Variants in DNASE2 observed in about 807,000 individuals in gnomAD.
DNASE2 encodes the protein deoxyribonuclease 2, lysosomal.
Under a neutral mutation model 29.8 loss-of-function variants are expected in DNASE2, and 26 were observed. That is an observed-to-expected ratio of 0.87 (90% CI 0.64 to 1.21). The LOEUF is 1.21. Ranked by LOEUF, DNASE2 falls within the 50% of genes most tolerant of loss-of-function variation. The probability of loss-of-function intolerance (pLI) is 0.00; values close to 1 mark genes in which losing one functional copy is unlikely to be tolerated. For missense variants in DNASE2, 415 were observed against 455.6 expected, an observed-to-expected ratio of 0.91 and a Z score of 0.81; for synonymous variants, 186 against 193.5, an observed-to-expected ratio of 0.96 and a Z score of 0.32.
rs561850279 is a variant in DNASE2, at chr19:12,875,412, C to T, written c.*578G>A. 9.4e-4 allele frequency: 153 copies of T among 163,084 alleles called. No homozygotes were observed. The highest frequency in any genetic ancestry group is 1.6e-3 in the Non-Finnish European group (120 of 74,092). The allele number at this position is 163,084 out of a possible 1,614,324, so 10.1% of individuals were successfully genotyped here. ...GATTTTTTATTTTTTATTTTTTTGA[C>T]ACAGAGTCTCATTCTGTCACCCAGG... On this transcript the variant is annotated 3_prime_UTR_variant, in exon 6 of 6. Coordinates refer to ENST00000222219, the MANE Select transcript of DNASE2 (RefSeq NM_001375.3).
Position 12,875,735 on chromosome 19 carries a change from T to C in DNASE2, c.*255A>G, listed in dbSNP as rs2145919216. 1 of 296,384 alleles carries C rather than the reference T, an allele frequency of 3.4e-6. No individual in the cohort carries two copies. The highest frequency in any genetic ancestry group is 6.4e-6 in the Non-Finnish European group (1 of 156,714). The allele number at this position is 296,384 out of a possible 1,614,324, so 18.4% of individuals were successfully genotyped here. On this transcript the variant is annotated 3_prime_UTR_variant, in exon 6 of 6. Transcript: ENST00000222219. ...TTTTTTTTGAAACAGAGTCTTGCTA[T>C]GTGACCCAGGTTGGCGTAATCATAG...
At chr19:12,878,243 C>T (rs749592678) in intron 5 of DNASE2, 139 bp downstream of exon 5, 30 of 1,121,970 alleles carry the variant, frequency 2.7e-5, no homozygotes, top group Non-Finnish European at 4.0e-5. Flanking sequence ...AGGGTTTGAA[C>T]CCAGGTCTGT....
chr19:12,876,307 A>C lies in DNASE2; in HGVS notation c.766T>G (p.Trp256Gly). The C allele has an allele frequency of 6.2e-7, 1 of 1,614,150 alleles. No homozygotes were observed. The highest frequency in any genetic ancestry group is 1.1e-5 in the South Asian group (1 of 91,090). ...ALGTNLQVQF[W>G]HKTVGILPSN... is the part of the protein sequence containing the mutation. ...GGCAGGATGCCTACAGTTTTGTGCC[A>C]GAACTGGACCTGCAGGTTGGTACCA... The change falls in exon 6 of 6, where the codon TGG becomes GGG. Residue 256 changes from tryptophan (W) to glycine (G), a missense_variant. Physicochemically the swap from Trp to Gly is radical, Grantham distance 184. Transcript: ENST00000222219.
At chr19:12,878,866 G>A (rs1422097429) in intron 3 of DNASE2, 32 bp from the exon 4 acceptor site, 1 of 1,598,298 alleles carries the variant, frequency 6.3e-7, no homozygotes, top group Admixed American at 1.7e-5. Context: ...GGGGAGGTCG[G>A]GCGCAGTGGC....
Position 12,881,231 on chromosome 19 carries a change from C to G in DNASE2, c.86+59G>C. The G allele has an allele frequency of 2.5e-6, 4 of 1,607,004 alleles. No homozygotes were observed. The South Asian group carries it at 4.4e-5, about 18-fold the overall frequency. On this transcript the variant is annotated intron_variant, in intron 1 of 5. Coordinates refer to ENST00000222219, the MANE Select transcript of DNASE2 (RefSeq NM_001375.3). ...GGGTTCCCCGAGGAGGTAGCCATCC[C>G]GGTTGAGTGACCGCAGCCGGACCCC...
chr19:12,880,535 A>T (rs181039237), intron 3 of DNASE2, among the ~76,000 whole-genome samples: 110 of 151,736 alleles, frequency 7.2e-4, no homozygotes, highest in Non-Finnish European at 1.3e-3. Context: ...GTGCGCCTTT[A>T]ATACCAGCTA....
rs1017118700 is a variant in DNASE2 at position 12,880,712 on chromosome 19, G to A, written c.346+90C>T. 1.3e-5 allele frequency: 20 copies of A among 1,532,246 alleles called. No homozygotes were observed. The Admixed American group carries it at 3.0e-4, about 23-fold the overall frequency. The allele number at this position is 1,532,246 out of a possible 1,614,324, so 94.9% of individuals were successfully genotyped here. A position where few individuals can be genotyped will look rare whatever the true frequency, so the allele number is the denominator to read the frequency against. On this transcript the variant is annotated intron_variant, in intron 3 of 5. Coordinates refer to ENST00000222219, the MANE Select transcript of DNASE2 (RefSeq NM_001375.3). ...GAATAGATGCCCAGGGTCTGACAGT[G>A]CAGATCTCCCCGACCACCCCATGCA...
At chr19:12,877,527 CTATT>C (rs1599596692) in intron 5 of DNASE2, among the ~76,000 whole-genome samples, 1 of 151,816 alleles carries the variant, frequency 6.6e-6, no homozygotes, top group Non-Finnish European at 1.5e-5. Context: ...TGTGCCTGGC[CTATT>C]TATTTGTATT....
chr19:12,879,191 T>A (rs1159244881), intron 3 of DNASE2, among the ~76,000 whole-genome samples: 3 of 146,366 alleles, frequency 2.0e-5, no homozygotes, highest in South Asian at 4.3e-4. Context: ...AATAAATAAA[T>A]AAAAATTTAA....
At chr19:12,877,954 C>T (rs1049514468) in intron 5 of DNASE2, 6 of 310,996 alleles carry the variant, frequency 1.9e-5, no homozygotes, top group Non-Finnish European at 3.8e-5. Context: ...AATTTATCCT[C>T]CTGCCTCAGC....
Position 12,880,843 on chromosome 19 carries a change from G to C in DNASE2, c.305C>G (p.Pro102Arg). ...CATGGAAGAGTCCTGAGCCTTGCTG[G>C]GTTGAGGCGGTTGGTCATTGTAGAG... ...FLLYNDQPPQ[P>R]SKAQDSSMRG... is the part of the protein sequence containing the mutation. Residue 102 changes from proline to arginine, a missense_variant, in exon 3 of 6, where the codon CCC (proline) becomes CGC (arginine). Pro to Arg is a moderately radical substitution (Grantham distance 103, BLOSUM62 -2). Transcript: ENST00000222219. The C allele has an allele frequency of 6.2e-7, 1 of 1,614,218 alleles. No homozygotes were observed. Among genetic ancestry groups the C allele is most frequent in the Non-Finnish European group, 8.5e-7 (1 of 1,180,044 alleles).
rs577376992 is a variant in DNASE2, at chr19:12,878,684, T to C, written c.497A>G (p.Gln166Arg). ...ACTCGACTTACCCATCTTCGAGAAC[T>C]GAGCGAAGGGAAAAGACACACAGAG... ...TLLCVSFPFA[Q>R]FSKMGKQLTY... The change falls in exon 4 of 6, where the codon CAG becomes CGG. Residue 166 changes from glutamine (Q) to arginine (R), a missense_variant. Physicochemically the swap from Gln to Arg is conservative, Grantham distance 43. Coordinates refer to ENST00000222219, the MANE Select transcript of DNASE2 (RefSeq NM_001375.3). 6.2e-7 allele frequency: 1 copy of C among 1,614,040 alleles called. No homozygotes were observed. The highest frequency in any genetic ancestry group is 1.3e-5 in the African/African-American group (1 of 75,016).
In DNASE2 at chr19:12,881,151, ACC is replaced by A. The variant is rs1371875718; in HGVS notation, c.87-1_87del. The A allele has an allele frequency of 3.1e-6, 5 of 1,611,796 alleles. No homozygotes were observed. Among genetic ancestry groups the A allele is most frequent in the Non-Finnish European group, 4.2e-6 (5 of 1,179,990 alleles). On this transcript the variant is annotated splice_acceptor_variant and coding_sequence_variant, in exon 2 of 6. Coordinates refer to ENST00000222219, the MANE Select transcript of DNASE2 (RefSeq NM_001375.3). LOFTEE classifies it high-confidence loss of function. Reference sequence around the variant, plus strand: ...AGAGCTGGCAGCTTGTAGACCACGAACCTGGAGGTCGGAGAATGCACAGAAAT... The same window carrying A: ...AGAGCTGGCAGCTTGTAGACCACGAATGGAGGTCGGAGAATGCACAGAAAT...
In DNASE2 at chr19:12,876,097, G is replaced by T. The variant is rs1402432531; in HGVS notation, c.976C>A (p.Leu326Met). ...QGEEQRGGGT[L>M]CAQLPALWKA... ...CAGAGGGCTGGCAGCTGGGCACACA[G>T]TGTGCCCCCACCCCGTTGCTCCTCT... is the stretch of plus-strand genomic sequence containing the variant. The change falls in exon 6 of 6, where the codon CTG becomes ATG. Residue 326 changes from leucine to methionine, a missense_variant. By Grantham distance (15) the Leu-to-Met change is conservative. Transcript: ENST00000222219. The T allele has an allele frequency of 2.5e-6, 4 of 1,614,004 alleles. No individual in the cohort carries two copies. Among genetic ancestry groups the T allele is most frequent in the Non-Finnish European group, 3.4e-6 (4 of 1,179,958 alleles).
Position 12,876,353 on chromosome 19 carries a change from G to A in DNASE2, c.720C>T (p.Ser240=), listed in dbSNP as rs774148521. The A allele has an allele frequency of 1.4e-5, 23 of 1,612,772 alleles. No homozygotes were observed. The highest frequency in any genetic ancestry group is 5.0e-5 in the Admixed American group (3 of 59,982). The change falls in exon 6 of 6, where the codon TCC becomes TCT. Residue 240 remains serine (S), a synonymous_variant. Transcript: ENST00000222219. ...TACCAAGGGCTGCTGCCAACCAGCC[G>A]GAGTACAGGTCTGCAAAGGATGGAG... ...KFSKFGDDLY[S]GWLAAALGTN...
In DNASE2 at chr19:12,881,383, A is replaced by G; in HGVS notation, c.-8T>C. 11 of 1,554,652 alleles carry G rather than the reference A, an allele frequency of 7.1e-6. No homozygotes were observed. The highest frequency in any genetic ancestry group is 1.2e-5 in the South Asian group (1 of 84,666). ...CAGCAGCAGCGGGATCATAGCTGCTATGGGGCTGAGATCCAGGAATCTGTG... is the reference window on the plus strand; with the variant it reads ...CAGCAGCAGCGGGATCATAGCTGCTGTGGGGCTGAGATCCAGGAATCTGTG... On this transcript the variant is annotated 5_prime_UTR_variant, in exon 1 of 6. Transcript: ENST00000222219.
rs1481371935 is a variant in DNASE2, at chr19:12,878,874, G to A, written c.347-40C>T. On this transcript the variant is annotated intron_variant, in intron 3 of 5. Transcript: ENST00000222219. ...GGCATTAGGGGAGGTCGGGCGCAGT[G>A]GCTCACGCCTGTAATCCCAGCACTT... 2.5e-6 allele frequency: 4 copies of A among 1,590,068 alleles called. No homozygotes were observed. In the East Asian group the frequency reaches 9.2e-5, roughly 37 times the overall value.
rs547496555 is a variant in DNASE2, at chr19:12,878,707, G to C, written c.474C>G (p.Leu158=). ...ACTGAGCGAAGGGAAAAGACACACA[G>C]AGCAGGGTCTGCCCGTAGGTACAGG... is the stretch of plus-strand genomic sequence containing the variant. ...HSACTYGQTL[L]CVSFPFAQFS... is the part of the protein sequence containing the mutation. The change falls in exon 4 of 6, where the codon CTC becomes CTG. Residue 158 remains leucine, a synonymous_variant. Coordinates refer to ENST00000222219, the MANE Select transcript of DNASE2 (RefSeq NM_001375.3). 1 of 1,614,164 alleles carries C rather than the reference G, an allele frequency of 6.2e-7. No individual in the cohort carries two copies. Among genetic ancestry groups the C allele is most frequent in the Non-Finnish European group, 8.5e-7 (1 of 1,180,026 alleles).
Position 12,875,432 on chromosome 19 carries a change from C to G in DNASE2, c.*558G>C, listed in dbSNP as rs1970307245. The stretch of plus-strand genomic sequence containing the variant: ...TTTGACACAGAGTCTCATTCTGTCA[C>G]CCAGGCTGAAGTGCCGTGGTGTTAG... On this transcript the variant is annotated 3_prime_UTR_variant, in exon 6 of 6. Coordinates refer to ENST00000222219, the MANE Select transcript of DNASE2 (RefSeq NM_001375.3). 1 of 162,036 alleles carries G rather than the reference C, an allele frequency of 6.2e-6. No individual in the cohort carries two copies. The highest frequency in any genetic ancestry group is 1.4e-5 in the Non-Finnish European group (1 of 73,548). The allele number at this position is 162,036 out of a possible 1,614,324, so 10.0% of individuals were successfully genotyped here. A position where few individuals can be genotyped will look rare whatever the true frequency, so the allele number is the denominator to read the frequency against.
Sources: gnomAD v4.1 joint callset for allele counts (sites outside exome capture counted in the v4.1 genomes callset) on GRCh38, gnomAD v4.1.1 for gene constraint, MANE v1.5 for transcripts, NCBI Gene and HGNC (gene_info 2026-07-23, HGNC 2026-07-21) for gene names.